Variants in BRSK2 observed in about 807,000 individuals in gnomAD.
BRSK2 encodes BR serine/threonine kinase 2.
BRSK2 carries 19 observed loss-of-function variants against 83.3 expected under a neutral mutation model. The ratio of observed to expected loss-of-function variants is 0.23; its 90% CI spans 0.16 to 0.33. The LOEUF is 0.33. Ranked by LOEUF, BRSK2 falls within the 10% of genes least tolerant of loss-of-function variation. The pLI is 1.00. For synonymous variants in BRSK2, 519 were observed against 435.4 expected, an observed-to-expected ratio of 1.19 and a Z score of -2.39; for missense variants, 798 against 1,042.3, an observed-to-expected ratio of 0.77 and a Z score of 3.23.
intron 1 of BRSK2, among the ~76,000 whole-genome samples, chr11:1,403,037 A>AC (rs1446470712): frequency 1.3e-5 from 2 of 151,696 alleles, no homozygotes; most frequent in Non-Finnish European, 2.9e-5. Context: ...GACGGGCGGG[A>AC]CCCCCCGGGG....
rs200769849 is a variant in BRSK2 at position 1,449,729 on chromosome 11, C to G, written c.1227-47C>G. 2.6e-6 allele frequency: 4 copies of G among 1,553,890 alleles called. No individual in the cohort carries two copies. In the East Asian group the frequency reaches 9.2e-5, roughly 36 times the overall value. ...GGAGCAGAGCCCAGCACCTGCTGCT[C>G]CACTGCCCCCTGGCTGAGCAGTGGC... On this transcript the variant is annotated intron_variant, in intron 12 of 19. Coordinates refer to ENST00000528841, the MANE Select transcript of BRSK2 (RefSeq NM_001256627.2).
At chr11:1,417,878 G>T (rs1464541796) in intron 1 of BRSK2, among the ~76,000 whole-genome samples, 283 of 96,430 alleles carry the variant, frequency 2.9e-3, no homozygotes, top group Middle Eastern at 0.017. Flanking sequence ...CTGCTTCTGT[G>T]GGCTGTTTCT....
Position 1,436,019 on chromosome 11 carries a change from GC to G in BRSK2, c.92-20del, listed in dbSNP as rs1564838715. 3.8e-6 allele frequency: 6 copies of G among 1,586,866 alleles called. No individual in the cohort carries two copies. Among genetic ancestry groups the G allele is most frequent in the Middle Eastern group, 1.7e-4 (1 of 5,738 alleles). On this transcript the variant is annotated intron_variant, in intron 1 of 19. Transcript: ENST00000528841. The stretch of plus-strand genomic sequence containing the variant: ...GCAGGCACCCTGGGTGGGTCTGAGC[GC>G]GGCTGCTTCTCTCCCGCAGGTCTGG...
intron 1 of BRSK2, among the ~76,000 whole-genome samples, chr11:1,424,171 C>T (rs868624723): frequency 4.5e-4 from 69 of 152,200 alleles, no homozygotes; most frequent in African/African-American, 1.6e-3. Flanking sequence ...GTGGACCCCT[C>T]GGCACCCCTG....
rs867142991 is a variant in BRSK2 at position 1,443,016 on chromosome 11, T to G, written c.531-90T>G. On this transcript the variant is annotated intron_variant, in intron 5 of 19. Coordinates refer to ENST00000528841, the MANE Select transcript of BRSK2 (RefSeq NM_001256627.2). ...GTCTGGCACCACAGCCCTGGAGGCC[T>G]CCTTGAGGGCCCTGCGGTGCACCAT... 2.1e-6 allele frequency: 3 copies of G among 1,418,454 alleles called. No homozygotes were observed. In the Middle Eastern group the frequency reaches 6.5e-4, roughly 308 times the overall value. The allele number at this position is 1,418,454 out of a possible 1,614,324, so 87.9% of individuals were successfully genotyped here.
chr11:1,453,299 T>C (rs754923627), intron 15 of BRSK2, among the ~76,000 whole-genome samples: 71 of 152,196 alleles, frequency 4.7e-4, no homozygotes, highest in Non-Finnish European at 9.3e-4. Flanking sequence ...CAGGCATCTT[T>C]CACACATGGG....
chr11:1,441,394 A>G (rs1851274276), intron 4 of BRSK2, among the ~76,000 whole-genome samples: 1 of 27,008 alleles, frequency 3.7e-5, no homozygotes, highest in Non-Finnish European at 6.6e-5. Flanking sequence ...CTGCCCCTCA[A>G]GTGCACTGTC....
intron 1 of BRSK2, chr11:1,411,204 G>A (rs990321374): frequency 5.6e-6 from 7 of 1,243,522 alleles, no homozygotes; most frequent in African/African-American, 3.1e-5. Flanking sequence ...GCCTTGCTGA[G>A]GGGAGAGCGG....
chr11:1,438,916 A>G lies in BRSK2; in HGVS notation c.272+525A>G, dbSNP rs546051438. On this transcript the variant is annotated intron_variant, in intron 3 of 19. Coordinates refer to ENST00000528841, the MANE Select transcript of BRSK2 (RefSeq NM_001256627.2). The surrounding 1 kb of genome is among the most constrained non-coding windows in gnomAD (Gnocchi z 6.4). ...CAGAAATCCCTACCCTGTCCCAGGCATGCCTGGCTGTGAACCCCATCCCCC... is the reference window on the plus strand; with the variant it reads ...CAGAAATCCCTACCCTGTCCCAGGCGTGCCTGGCTGTGAACCCCATCCCCC... Among the ~76,000 whole-genome samples the G allele has an allele frequency of 6.6e-6, 1 of 152,256 alleles. No individual in the cohort carries two copies. Among genetic ancestry groups the G allele is most frequent in the East Asian group, 1.9e-4 (1 of 5,162 alleles).
chr11:1,411,484 G>A (rs543875038), intron 1 of BRSK2: 20 of 1,480,808 alleles, frequency 1.4e-5, no homozygotes, highest in Admixed American at 4.7e-5. Context: ...TGCTCCCCAA[G>A]AGAGCCCAGG....
rs186387560 is a variant in BRSK2, at chr11:1,450,939, G to A, written c.1495+145G>A. ...GGGCCTGCCCACGTCTCACTGTCCC[G>A]AAAGCGCCCAGCAGCAGCCTGTGTC... is the stretch of plus-strand genomic sequence containing the variant. On this transcript the variant is annotated intron_variant, in intron 14 of 19. Transcript: ENST00000528841. 7.9e-4 allele frequency: 601 copies of A among 757,736 alleles called. 1 individual carries two copies. Among genetic ancestry groups the A allele is most frequent in the South Asian group, 3.6e-3 (184 of 51,424 alleles). 46.9% of individuals were successfully genotyped at this position (757,736 alleles called of 1,614,324 possible).
chr11:1,456,757 C>A, intron 18 of BRSK2, 70 bp downstream of exon 18: 1 of 1,491,472 alleles, frequency 6.7e-7, no homozygotes, highest in South Asian at 1.2e-5. Flanking sequence ...GCTGCGCGGA[C>A]GGGAGGCGTG....
chr11:1,411,939 C>A (rs1486714373), intron 1 of BRSK2, among the ~76,000 whole-genome samples: 22 of 152,290 alleles, frequency 1.4e-4, no homozygotes, highest in African/African-American at 5.1e-4. Context: ...TGGCCTTGGT[C>A]ACCAGCCTTA....
intron 1 of BRSK2, among the ~76,000 whole-genome samples, chr11:1,406,390 T>G (rs1846878892): frequency 6.6e-6 from 1 of 152,190 alleles, no homozygotes; most frequent in Non-Finnish European, 1.5e-5. Flanking sequence ...GAGAATGGCA[T>G]GAACCCGGGA....
chr11:1,452,774 A>T (rs1845961271), intron 15 of BRSK2, among the ~76,000 whole-genome samples: 2 of 151,812 alleles, frequency 1.3e-5, no homozygotes, highest in South Asian at 4.2e-4. Context: ...GATGCCTGTG[A>T]CAGCCCTTAT....
chr11:1,445,973 GC>G (rs1851996859), intron 12 of BRSK2, 66 bp downstream of exon 12: 1 of 1,522,820 alleles, frequency 6.6e-7, no homozygotes, highest in East Asian at 2.3e-5. Context: ...CTGCCGCCTG[GC>G]TCATCGCTAC....
intron 9 of BRSK2, 67 bp downstream of exon 9, chr11:1,445,069 G>C: frequency 1.3e-6 from 2 of 1,580,858 alleles, no homozygotes; most frequent in South Asian, 1.1e-5. Flanking sequence ...GCCCTGCTAG[G>C]AAAGGCGGGG....
chr11:1,439,372 CCACCAT>C (rs1850826191), intron 3 of BRSK2, among the ~76,000 whole-genome samples: 3 of 152,070 alleles, frequency 2.0e-5, no homozygotes, highest in African/African-American at 7.2e-5. Flanking sequence ...CCCGCCTGCC[CCACCAT>C]GAGCAGGGGC....
chr11:1,452,529 G>A (rs563111267), intron 15 of BRSK2, among the ~76,000 whole-genome samples: 156 of 152,328 alleles, frequency 1.0e-3, no homozygotes, highest in African/African-American at 3.7e-3. Flanking sequence ...GGCTGCCTGC[G>A]CTTCTCCCCT....
Sources: gnomAD v4.1 joint callset for allele counts (sites outside exome capture counted in the v4.1 genomes callset) on GRCh38, gnomAD v4.1.1 for gene constraint, Gnocchi (gnomAD v3.1) non-coding constraint, MANE v1.5 for transcripts, NCBI Gene and HGNC (gene_info 2026-07-23, HGNC 2026-07-21) for gene names.